The following SORCS2 variants were observed in gnomAD, a reference collection of about 807,000 sequenced individuals.
SORCS2 encodes sortilin related VPS10 domain containing receptor 2.
Under a neutral mutation model 141.6 loss-of-function variants are expected in SORCS2, and 100 were observed. That is an observed-to-expected ratio of 0.71 (90% confidence interval 0.60 to 0.83). The LOEUF (loss-of-function observed/expected upper bound fraction) is 0.83. Among genes scored for constraint, SORCS2 ranks in the 40% least tolerant of loss-of-function variants. The pLI is 0.00. For missense variants in SORCS2, 1,646 were observed against 1,560.2 expected (o/e 1.05, Z -0.93); for synonymous variants, 789 against 676.9 (o/e 1.17, Z -2.57).
chr4:7,445,937 C>G (rs1343174106), intron 2 of SORCS2, among the ~76,000 whole-genome samples: 1 of 152,156 alleles, frequency 6.6e-6, no homozygotes, highest in African/African-American at 2.4e-5. Context: ...CAGGCCCACC[C>G]CTCACACCTG....
intron 2 of SORCS2, among the ~76,000 whole-genome samples, chr4:7,503,337 TAA>T (rs1036836569): frequency 2.3e-4 from 35 of 152,154 alleles, no homozygotes; most frequent in African/African-American, 8.2e-4. Context: ...GAGTTGTCTG[TAA>T]AAAGTTTGTC....
chr4:7,445,979 G>A (rs952946685), intron 2 of SORCS2, among the ~76,000 whole-genome samples: 3 of 150,198 alleles, frequency 2.0e-5, no homozygotes, highest in South Asian at 2.2e-4. Context: ...CAAATGCCTC[G>A]AAGCTGCTTT....
At chr4:7,335,275 T>A (rs915620546) in intron 1 of SORCS2, among the ~76,000 whole-genome samples, 5 of 152,208 alleles carry the variant, frequency 3.3e-5, no homozygotes, top group African/African-American at 1.2e-4. Context: ...TCATTGTCTT[T>A]GTACAAGTCT....
chr4:7,255,298 G>T (rs1417285248), intron 1 of SORCS2, among the ~76,000 whole-genome samples: 2 of 152,120 alleles, frequency 1.3e-5, no homozygotes, highest in Non-Finnish European at 2.9e-5. Context: ...CTTCCTGGAG[G>T]AGGCGGCTTT....
intron 1 of SORCS2, among the ~76,000 whole-genome samples, chr4:7,224,094 C>T (rs1434771444): frequency 6.6e-6 from 1 of 152,172 alleles, no homozygotes; most frequent in African/African-American, 2.4e-5. Flanking sequence ...GCCTGGCGTG[C>T]TGGTTTCCAG....
At chr4:7,684,826 A>G (rs1723772986) in intron 10 of SORCS2, among the ~76,000 whole-genome samples, 1 of 151,938 alleles carries the variant, frequency 6.6e-6, no homozygotes, top group South Asian at 2.1e-4. Flanking sequence ...CCCCACCACC[A>G]CCACCAGCCC....
In SORCS2 at chr4:7,654,126, C is replaced by T; in HGVS notation, c.814-8C>T. ...ACCAAGCTTTTGTTTCTTTTTTCTGCCCTAAAGCTCTACGTGTCATCTGAC... is the reference window on the plus strand; with the variant it reads ...ACCAAGCTTTTGTTTCTTTTTTCTGTCCTAAAGCTCTACGTGTCATCTGAC... On this transcript the variant is annotated splice_region_variant and splice_polypyrimidine_tract_variant and intron_variant, in intron 4 of 26. Transcript: ENST00000507866. The T allele has an allele frequency of 6.4e-7, 1 of 1,568,200 alleles. No homozygotes were observed. The highest frequency in any genetic ancestry group is 8.7e-7 in the Non-Finnish European group (1 of 1,154,982).
chr4:7,654,591 C>T (rs1290985410), intron 5 of SORCS2, among the ~76,000 whole-genome samples: 2 of 152,162 alleles, frequency 1.3e-5, no homozygotes, highest in African/African-American at 4.8e-5. Context: ...GCACCCGGCC[C>T]ACCACTCCGC....
rs114965301 is a variant in SORCS2, at chr4:7,693,543, C to T, written c.1592-3655C>T. Among the ~76,000 whole-genome samples, 336 of 152,348 alleles carry T rather than the reference C, an allele frequency of 2.2e-3. 3 individuals carry two copies. Among genetic ancestry groups the T allele is most frequent in the African/African-American group, 7.4e-3 (307 of 41,582 alleles). On this transcript the variant is annotated intron_variant, in intron 11 of 26. Transcript: ENST00000507866. ...GCCTGCTCCCTGCACTGTCCTTTGC[C>T]CCATCCTGGTCACTGGTCTGTGTCC...
At position 7,725,204 on chromosome 4, in the gene SORCS2, C is replaced by T; in HGVS notation, c.2662C>T (p.Gln888Ter). The change falls in exon 20 of 27, where the codon CAG becomes TAG. Residue 888 changes from glutamine (Q) to a stop codon, truncating the protein, a stop_gained. Transcript: ENST00000507866. LOFTEE classifies it high-confidence loss of function. The stretch of plus-strand genomic sequence containing the variant: ...GGTGGTTCCTGTCATTGGCCTCAAC[C>T]AGGAGGTGAACCTCACAGCTGTGCT... Reference protein sequence around the residue: ...LEVVPVIGLNQEVNLTAVLLP... With the variant: ...LEVVPVIGLN 6.2e-7 allele frequency: 1 copy of T among 1,613,614 alleles called. No individual in the cohort carries two copies. Among genetic ancestry groups the T allele is most frequent in the Non-Finnish European group, 8.5e-7 (1 of 1,179,650 alleles).
At chr4:7,543,834 ATCCATCCACTCATCCG>A (rs1712978049) in intron 3 of SORCS2, among the ~76,000 whole-genome samples, 1 of 124,286 alleles carries the variant, frequency 8.0e-6, no homozygotes, top group Non-Finnish European at 1.7e-5. Context: ...CCATCTGTCC[ATCCATCCACTCATCCG>A]TCCATCCATC....
chr4:7,369,196 A>G (rs1051822049), intron 1 of SORCS2, among the ~76,000 whole-genome samples: 19 of 152,158 alleles, frequency 1.2e-4, no homozygotes, highest in African/African-American at 4.6e-4. Context: ...CTGTAATCCC[A>G]GCTAGTCGGG....
At chr4:7,672,914 C>T (rs1171805799) in intron 8 of SORCS2, among the ~76,000 whole-genome samples, 3 of 152,190 alleles carry the variant, frequency 2.0e-5, no homozygotes, top group African/African-American at 7.2e-5. Flanking sequence ...TTCTGTTACT[C>T]ACAAGCAAAC....
intron 1 of SORCS2, among the ~76,000 whole-genome samples, chr4:7,195,305 G>A (rs1344053436): frequency 6.6e-6 from 1 of 152,166 alleles, no homozygotes; most frequent in African/African-American, 2.4e-5. Flanking sequence ...CCTCTGGTCA[G>A]CATGAGGCGA....
At chr4:7,340,959 C>T (rs7658916) in intron 1 of SORCS2, among the ~76,000 whole-genome samples, 66 of 152,326 alleles carry the variant, frequency 4.3e-4, no homozygotes, top group African/African-American at 1.5e-3. Flanking sequence ...ACAATTGCAC[C>T]CATCCCTGCT....
intron 1 of SORCS2, among the ~76,000 whole-genome samples, chr4:7,377,519 C>A (rs1181919794): frequency 6.6e-6 from 1 of 152,236 alleles, no homozygotes; most frequent in Non-Finnish European, 1.5e-5. Flanking sequence ...TTAAATAGTT[C>A]TGCCAAATTT....
At chr4:7,257,200 G>T (rs1317882341) in intron 1 of SORCS2, among the ~76,000 whole-genome samples, 1 of 152,250 alleles carries the variant, frequency 6.6e-6, no homozygotes, top group Admixed American at 6.5e-5. Context: ...TCACACAGAT[G>T]GTGGCCTCTC....
intron 2 of SORCS2, among the ~76,000 whole-genome samples, chr4:7,488,560 C>G (rs995839373): frequency 1.3e-5 from 2 of 152,228 alleles, no homozygotes; most frequent in African/African-American, 4.8e-5. Context: ...CCAGAGCATC[C>G]TCCACAGCGA....
chr4:7,635,887 T>G (rs1374463653), intron 3 of SORCS2, among the ~76,000 whole-genome samples: 2 of 152,228 alleles, frequency 1.3e-5, no homozygotes, highest in Non-Finnish European at 2.9e-5. Context: ...CGGAGATTAA[T>G]GACCGTAGCT....
Sources: allele counts gnomAD v4.1 joint callset (sites outside exome capture counted in the v4.1 genomes callset), GRCh38; gene constraint gnomAD v4.1.1; transcripts MANE v1.5; gene names NCBI Gene and HGNC (gene_info 2026-07-23, HGNC 2026-07-21).